The following PRR16 variants were observed in gnomAD, a reference collection of about 807,000 sequenced individuals.
The protein encoded by PRR16 is proline rich 16, also known as protein Largen.
A neutral mutation model predicts 18.2 loss-of-function variants in PRR16; 6 were observed. The observed-to-expected ratio is 0.33, with a 90% CI of 0.18 to 0.65. PRR16 has a LOEUF of 0.65. PRR16 is among the 30% of genes least tolerant of loss of function. The probability of loss-of-function intolerance (pLI) is 0.74; values close to 1 mark genes in which losing one functional copy is unlikely to be tolerated. For synonymous variants in PRR16, 151 were observed against 147.8 expected (o/e 1.02, Z -0.16); for missense variants, 412 against 376.6 (o/e 1.09, Z -0.78).
chr5:120,551,512 G>A (rs549381755), intron 1 of PRR16, among the ~76,000 whole-genome samples: 1 of 151,878 alleles, frequency 6.6e-6, no homozygotes, highest in South Asian at 2.1e-4. Flanking sequence ...TTAGCATAGG[G>A]CCTGGCATAT....
intron 1 of PRR16, among the ~76,000 whole-genome samples, chr5:120,568,351 G>C (rs1224609332): frequency 6.6e-6 from 1 of 152,162 alleles, no homozygotes; most frequent in Non-Finnish European, 1.5e-5. Flanking sequence ...AGTCTGTGCA[G>C]CTAGTGGGGA....
intron 1 of PRR16, among the ~76,000 whole-genome samples, chr5:120,497,132 A>G (rs1040900942): frequency 1.3e-5 from 2 of 152,088 alleles, no homozygotes; most frequent in African/African-American, 4.8e-5. Context: ...AATATGGTCT[A>G]TTTTTGTATA....
chr5:120,790,879 G>A, the PRR16 span: 1 of 151,846 alleles, frequency 6.6e-6, no homozygotes, highest in African/African-American at 2.4e-5. Context: ...AATAAAAAAT[G>A]GATTTGATTT....
chr5:120,748,406 C>T, the PRR16 span, among the ~76,000 whole-genome samples: 2 of 151,884 alleles, frequency 1.3e-5, no homozygotes, highest in African/African-American at 4.8e-5. Context: ...ATAACTTATT[C>T]TTTCATAAAT....
chr5:120,534,516 A>T (rs1232663942), intron 1 of PRR16, among the ~76,000 whole-genome samples: 3 of 152,072 alleles, frequency 2.0e-5, no homozygotes, highest in Non-Finnish European at 4.4e-5. Context: ...TTTTTTGTAT[A>T]TATCATTTTA....
intron 1 of PRR16, among the ~76,000 whole-genome samples, chr5:120,532,816 C>G (rs541918760): frequency 6.6e-6 from 1 of 151,886 alleles, no homozygotes; most frequent in Non-Finnish European, 1.5e-5. Flanking sequence ...GACAAAGAAG[C>G]AAAAACCTAT....
chr5:120,685,335 AC>A (rs1299672701), intron 1 of PRR16, among the ~76,000 whole-genome samples: 1 of 152,160 alleles, frequency 6.6e-6, no homozygotes, highest in East Asian at 1.9e-4. Context: ...TCATAATAGC[AC>A]ATATTCAACC....
At chr5:120,725,699 T>A in the PRR16 span, among the ~76,000 whole-genome samples, 1 of 151,992 alleles carries the variant, frequency 6.6e-6, no homozygotes, top group East Asian at 1.9e-4. Flanking sequence ...CAGGCTGTAG[T>A]TCTCAACTGT....
the PRR16 span, among the ~76,000 whole-genome samples, chr5:120,732,716 T>A: frequency 6.6e-6 from 1 of 152,122 alleles, no homozygotes; most frequent in Non-Finnish European, 1.5e-5. Flanking sequence ...CCTTACCCCA[T>A]GTGAAAGGGA....
At chr5:120,653,510 C>G (rs901818378) in intron 1 of PRR16, among the ~76,000 whole-genome samples, 1 of 151,640 alleles carries the variant, frequency 6.6e-6, no homozygotes, top group Non-Finnish European at 1.5e-5. Flanking sequence ...TTAAAAAAAT[C>G]ACAATACACA....
Position 120,464,427 on chromosome 5 carries a change from G to C in PRR16, c.-60G>C, listed in dbSNP as rs1187146922. On this transcript the variant is annotated 5_prime_UTR_variant, in exon 1 of 2. Transcript: ENST00000407149. ...GCGGCCGTAGCAGCGCCAGGGACGG[G>C]GGCACGCAGCAGCCTCCGCTCGCCC... The C allele has an allele frequency of 2.0e-6, 3 of 1,495,032 alleles. No homozygotes were observed. Among genetic ancestry groups the C allele is most frequent in the Non-Finnish European group, 2.7e-6 (3 of 1,120,768 alleles). 92.6% of individuals were successfully genotyped at this position (1,495,032 alleles called of 1,614,324 possible).
At chr5:120,679,341 G>A (rs781770181) in intron 1 of PRR16, among the ~76,000 whole-genome samples, 3 of 151,980 alleles carry the variant, frequency 2.0e-5, no homozygotes, top group Non-Finnish European at 4.4e-5. Flanking sequence ...CCAAATGTCT[G>A]CAAAAAATCT....
chr5:120,487,920 CTTTG>C (rs1749873230), intron 1 of PRR16, among the ~76,000 whole-genome samples: 1 of 152,026 alleles, frequency 6.6e-6, no homozygotes, highest in Non-Finnish European at 1.5e-5. Flanking sequence ...CGGTTTTTGT[CTTTG>C]TTTCTGTTTA....
chr5:120,793,627 A>G, the PRR16 span, among the ~76,000 whole-genome samples: 1 of 152,206 alleles, frequency 6.6e-6, no homozygotes, highest in Non-Finnish European at 1.5e-5. Flanking sequence ...AAACAAAAAT[A>G]TGAAGAGTAA....
chr5:120,731,825 T>C, the PRR16 span, among the ~76,000 whole-genome samples: 1 of 152,214 alleles, frequency 6.6e-6, no homozygotes, highest in African/African-American at 2.4e-5. Flanking sequence ...ATCAAATTAA[T>C]ATGAACAGGT....
At chr5:120,758,974 CTTT>C in the PRR16 span, among the ~76,000 whole-genome samples, 2 of 110,352 alleles carry the variant, frequency 1.8e-5, no homozygotes, top group Non-Finnish European at 3.4e-5. Flanking sequence ...ACCATAATTT[CTTT>C]TTTTTTTTTT....
At chr5:120,655,702 T>C (rs2150134749) in intron 1 of PRR16, among the ~76,000 whole-genome samples, 1 of 149,248 alleles carries the variant, frequency 6.7e-6, no homozygotes, top group African/African-American at 2.5e-5. Flanking sequence ...CATGGTAATG[T>C]GAATTTGGAT....
At chr5:120,516,261 CA>C (rs1750986936) in intron 1 of PRR16, among the ~76,000 whole-genome samples, 3 of 151,654 alleles carry the variant, frequency 2.0e-5, no homozygotes, top group African/African-American at 4.8e-5. Flanking sequence ...CCATCTCTAC[CA>C]AAAAATACAA....
At chr5:120,571,335 G>C (rs1752900352) in intron 1 of PRR16, among the ~76,000 whole-genome samples, 1 of 152,166 alleles carries the variant, frequency 6.6e-6, no homozygotes, top group African/African-American at 2.4e-5. Flanking sequence ...AAATGGAAGT[G>C]CAATTGTGAA....
Sources: allele counts gnomAD v4.1 joint callset (sites outside exome capture counted in the v4.1 genomes callset), GRCh38; gene constraint gnomAD v4.1.1; transcripts MANE v1.5; gene names NCBI Gene and HGNC (gene_info 2026-07-23, HGNC 2026-07-21).